PRIM2: variants seen among roughly 807,000 people sequenced by gnomAD.
The protein encoded by PRIM2 is DNA primase subunit 2.
PRIM2 carries 39 observed loss-of-function variants against 67.3 expected under a neutral mutation model. The observed-to-expected ratio is 0.58, with a 90% CI of 0.45 to 0.76. PRIM2 has a LOEUF of 0.76. Ranked by LOEUF, PRIM2 falls within the 30% of genes least tolerant of loss-of-function variation. PRIM2 has a pLI of 0.00. For missense variants in PRIM2, 398 were observed against 598.7 expected (o/e 0.66, Z 3.50); for synonymous variants, 143 against 198.7 (o/e 0.72, Z 2.36).
chr6:57,517,425 G>A (rs1217260697), intron 8 of PRIM2, among the ~76,000 whole-genome samples: 1 of 152,108 alleles, frequency 6.6e-6, no homozygotes. Context: ...TGATGGAAGT[G>A]TTCTATACCT....
At chr6:57,344,028 C>T (rs1231826812) in intron 5 of PRIM2, among the ~76,000 whole-genome samples, 1 of 152,070 alleles carries the variant, frequency 6.6e-6, no homozygotes, top group African/African-American at 2.4e-5. Flanking sequence ...ACTTACTTAG[C>T]AGGATTCTCA....
At chr6:57,504,356 A>G (rs1774208697) in intron 7 of PRIM2, among the ~76,000 whole-genome samples, 1 of 152,226 alleles carries the variant, frequency 6.6e-6, no homozygotes, top group Non-Finnish European at 1.5e-5. Context: ...GTAACCAGAT[A>G]GATGTCAAAG....
chr6:57,239,387 C>T, the PRIM2 span, among the ~76,000 whole-genome samples: 7 of 152,096 alleles, frequency 4.6e-5, no homozygotes, highest in Admixed American at 4.6e-4. Flanking sequence ...GTTTTCTTTC[C>T]TGGCATTTTT....
At chr6:57,371,303 G>A (rs1020931065) in intron 5 of PRIM2, among the ~76,000 whole-genome samples, 2 of 151,928 alleles carry the variant, frequency 1.3e-5, no homozygotes, top group Non-Finnish European at 2.9e-5. Context: ...AATAACTGTG[G>A]TATCAGTAAT....
intron 6 of PRIM2, 78 bp downstream of exon 6, chr6:57,380,074 C>T (rs907252069): frequency 1.8e-4 from 214 of 1,182,686 alleles, no homozygotes; most frequent in Admixed American, 3.0e-4. Context: ...TTAATTAATC[C>T]ATTTTTATAG....
At chr6:57,639,759 A>C (rs1777197017) in intron 13 of PRIM2, among the ~76,000 whole-genome samples, 3 of 151,918 alleles carry the variant, frequency 2.0e-5, no homozygotes, top group African/African-American at 7.2e-5. Flanking sequence ...ACCAAAAAAA[A>C]AAAGCCCAGA....
At chr6:57,639,117 C>A (rs1777179486) in intron 13 of PRIM2, among the ~76,000 whole-genome samples, 2 of 152,188 alleles carry the variant, frequency 1.3e-5, no homozygotes, top group South Asian at 4.1e-4. Flanking sequence ...AACTGCACAA[C>A]TACATGGAAA....
At chr6:57,319,503 G>A (rs892892965) in intron 2 of PRIM2, among the ~76,000 whole-genome samples, 2 of 152,210 alleles carry the variant, frequency 1.3e-5, no homozygotes, top group Non-Finnish European at 2.9e-5. Flanking sequence ...AGGGAGAAAA[G>A]GGTTTTAGAA....
chr6:57,521,237 G>A (rs1774612350), intron 8 of PRIM2, among the ~76,000 whole-genome samples: 1 of 152,076 alleles, frequency 6.6e-6, no homozygotes, highest in African/African-American at 2.4e-5. Flanking sequence ...GAATTTTCCT[G>A]TGATATCCTT....
intron 5 of PRIM2, 191 bp downstream of exon 5, chr6:57,326,236 A>C (rs1209032339): frequency 2.0e-6 from 1 of 508,984 alleles, no homozygotes; most frequent in Non-Finnish European, 3.3e-6. Context: ...ACTCCTTAAT[A>C]ACAAAGTCTC....
At chr6:57,490,350 G>A (rs1352812875) in intron 7 of PRIM2, among the ~76,000 whole-genome samples, 4 of 152,226 alleles carry the variant, frequency 2.6e-5, no homozygotes, top group African/African-American at 7.2e-5. Context: ...GACAGTACTA[G>A]GACTTGTGTT....
At chr6:57,551,496 T>C (rs1409214710) in intron 10 of PRIM2, among the ~76,000 whole-genome samples, 28 of 152,314 alleles carry the variant, frequency 1.8e-4, no homozygotes, top group African/African-American at 5.8e-4. Context: ...TTTTCGACTT[T>C]GATCCCAGAA....
intron 10 of PRIM2, among the ~76,000 whole-genome samples, chr6:57,588,015 C>T (rs1208290516): frequency 2.0e-4 from 31 of 152,004 alleles, no homozygotes; most frequent in Non-Finnish European, 1.5e-4. Flanking sequence ...GGTTCTGTAT[C>T]GCATATACCT....
At chr6:57,256,733 CACACACACACAT>C in the PRIM2 span, among the ~76,000 whole-genome samples, 1,524 of 142,488 alleles carry the variant, frequency 0.011, 32 homozygotes, top group African/African-American at 0.042. Context: ...CACACACACA[CACACACACACAT>C]ACACTCTTAC....
Position 57,318,463 on chromosome 6 carries a change from A to G in PRIM2, c.18A>G (p.Arg6=). 6.2e-7 allele frequency: 1 copy of G among 1,611,712 alleles called. No homozygotes were observed. The highest frequency in any genetic ancestry group is 1.3e-5 in the African/African-American group (1 of 74,998). MEFSG[R]KWRKLRLAGD... is the part of the protein sequence containing the mutation. ...TGACCAAGATGGAGTTTTCTGGAAG[A>G]AAGTGGAGGAAGCTGAGGTTGGCAG... is the stretch of plus-strand genomic sequence containing the variant. The change falls in exon 2 of 14, where the codon AGA becomes AGG. Residue 6 remains arginine (R), a synonymous_variant. Transcript: ENST00000615550.
intron 12 of PRIM2, among the ~76,000 whole-genome samples, chr6:57,626,362 T>G (rs1384451459): frequency 1.3e-5 from 2 of 152,256 alleles, no homozygotes; most frequent in Admixed American, 1.3e-4. Flanking sequence ...ATGTATGTGT[T>G]ATAAATAGAC....
the PRIM2 span, among the ~76,000 whole-genome samples, chr6:57,290,560 C>G: frequency 6.6e-6 from 1 of 152,176 alleles, no homozygotes; most frequent in African/African-American, 2.4e-5. Flanking sequence ...ACATTCTTCT[C>G]AGCACCACGT....
intron 2 of PRIM2, among the ~76,000 whole-genome samples, chr6:57,319,384 A>G (rs1767577805): frequency 6.6e-6 from 1 of 152,254 alleles, no homozygotes; most frequent in African/African-American, 2.4e-5. Context: ...TGGGGAAATC[A>G]GAAGGAAAGG....
intron 5 of PRIM2, among the ~76,000 whole-genome samples, chr6:57,371,837 A>G (rs1769568886): frequency 6.6e-6 from 1 of 152,218 alleles, no homozygotes; most frequent in Non-Finnish European, 1.5e-5. Context: ...TAAAATAGCT[A>G]CTTCCTCTCA....
Sources: gnomAD v4.1 joint callset for allele counts (sites outside exome capture counted in the v4.1 genomes callset) on GRCh38, gnomAD v4.1.1 for gene constraint, MANE v1.5 for transcripts, NCBI Gene and HGNC (gene_info 2026-07-23, HGNC 2026-07-21) for gene names.